The following KCNT2 variants were observed in gnomAD, a reference collection of about 807,000 sequenced individuals.
KCNT2 encodes the protein potassium channel subfamily T member 2.
Under a neutral mutation model 153.8 loss-of-function variants are expected in KCNT2, and 67 were observed. That is an observed-to-expected ratio of 0.44 (90% CI 0.36 to 0.53). KCNT2 has a LOEUF of 0.53. Among genes scored for constraint, KCNT2 ranks in the 20% least tolerant of loss-of-function variants. The pLI, the probability that KCNT2 is intolerant of heterozygous loss-of-function variation, is 0.00. For missense variants in KCNT2, 975 were observed against 1,354.8 expected (o/e 0.72, Z 4.40); for synonymous variants, 500 against 458.8 (o/e 1.09, Z -1.15).
intron 1 of KCNT2, among the ~76,000 whole-genome samples, chr1:196,559,074 C>T (rs1156517904): frequency 6.6e-6 from 1 of 150,858 alleles, no homozygotes; most frequent in Non-Finnish European, 1.5e-5. Flanking sequence ...AAAAAAAAAT[C>T]ACTGAATATA....
chr1:196,549,584 T>C (rs1436366586), intron 1 of KCNT2, among the ~76,000 whole-genome samples: 1 of 151,786 alleles, frequency 6.6e-6, no homozygotes, highest in Non-Finnish European at 1.5e-5. Context: ...CCTAGAACAA[T>C]GTTTCTCAAC....
At position 196,229,935 on chromosome 1, in the gene KCNT2, A is replaced by C. The variant is rs554069084; in HGVS notation, c.3297-1600T>G. ...TAGCAGAGGTTAGCTCATGAAGCTT[A>C]AGGAAATGAGTCCCCTCCATAACAT... On this transcript the variant is annotated intron_variant, in intron 27 of 27. Transcript: ENST00000294725. Among the ~76,000 whole-genome samples the C allele has an allele frequency of 2.6e-5, 4 of 152,220 alleles. No individual in the cohort carries two copies. The South Asian group carries it at 8.3e-4, about 32-fold the overall frequency.
chr1:196,400,312 G>T (rs1258380091), intron 12 of KCNT2, among the ~76,000 whole-genome samples: 1 of 151,748 alleles, frequency 6.6e-6, no homozygotes, highest in African/African-American at 2.4e-5. Context: ...TAAGTAAAAG[G>T]ATGCCAAGTT....
chr1:196,367,235 A>C (rs1313784308), intron 14 of KCNT2, among the ~76,000 whole-genome samples: 5 of 152,196 alleles, frequency 3.3e-5, no homozygotes, highest in Non-Finnish European at 5.9e-5. Context: ...ACTATAAAAA[A>C]AAATCATGTA....
intron 8 of KCNT2, among the ~76,000 whole-genome samples, chr1:196,452,409 C>T (rs73067681): frequency 0.045 from 6,891 of 151,924 alleles, 523 homozygotes; most frequent in African/African-American, 0.16. Context: ...GATCATTATC[C>T]CTATTCTATA....
chr1:196,289,516 C>A (rs1659993262), intron 22 of KCNT2, among the ~76,000 whole-genome samples: 1 of 152,000 alleles, frequency 6.6e-6, no homozygotes, highest in South Asian at 2.1e-4. Context: ...ATGTTAGCGG[C>A]CTACATCAAA....
intron 1 of KCNT2, among the ~76,000 whole-genome samples, chr1:196,507,621 T>C (rs1217469369): frequency 6.6e-6 from 1 of 152,144 alleles, no homozygotes. Context: ...CCAGTTTTAA[T>C]GCATTACTGT....
chr1:196,543,327 A>G (rs1235128052), intron 1 of KCNT2, among the ~76,000 whole-genome samples: 1 of 152,144 alleles, frequency 6.6e-6, no homozygotes, highest in Non-Finnish European at 1.5e-5. Context: ...TCAGAATACT[A>G]AAGTTTAATC....
chr1:196,310,041 T>C (rs141463140), intron 21 of KCNT2, among the ~76,000 whole-genome samples: 28 of 151,898 alleles, frequency 1.8e-4, no homozygotes, highest in African/African-American at 6.3e-4. Flanking sequence ...AATATAAAGA[T>C]GAAAAACACA....
intron 1 of KCNT2, among the ~76,000 whole-genome samples, chr1:196,565,722 A>C (rs1180644928): frequency 6.6e-6 from 1 of 151,746 alleles, no homozygotes; most frequent in Non-Finnish European, 1.5e-5. Context: ...AAACACAGAA[A>C]GACAAATATT....
At chr1:196,328,333 G>GA (rs1274345554) in intron 18 of KCNT2, among the ~76,000 whole-genome samples, 8 of 150,994 alleles carry the variant, frequency 5.3e-5, no homozygotes, top group Admixed American at 1.3e-4. Context: ...AGGCAGAGAA[G>GA]AAAAAAAACA....
intron 5 of KCNT2, 92 bp downstream of exon 5, chr1:196,479,087 T>G (rs1184056960): frequency 1.2e-6 from 1 of 821,164 alleles, no homozygotes; most frequent in Non-Finnish European, 2.0e-6. Context: ...GAGTCAGCCT[T>G]ACCTTCCAGT....
intron 1 of KCNT2, among the ~76,000 whole-genome samples, chr1:196,570,774 A>C (rs1252130481): frequency 2.6e-5 from 4 of 152,096 alleles, no homozygotes; most frequent in Admixed American, 2.6e-4. Context: ...CTTACTTGCT[A>C]CTGGATCTTG....
At chr1:196,383,882 A>T (rs1422079688) in intron 13 of KCNT2, among the ~76,000 whole-genome samples, 1 of 152,184 alleles carries the variant, frequency 6.6e-6, no homozygotes, top group Non-Finnish European at 1.5e-5. Flanking sequence ...GCCTGTAAGT[A>T]TGTTAAGTCT....
chr1:196,407,573 A>T lies in KCNT2; in HGVS notation c.1186-8902T>A, dbSNP rs552253955. ...TTCATTAGGGAATGACATAGTACAG[A>T]TTATTATGTGCTTGTTTCAGTGCCT... On this transcript the variant is annotated intron_variant, in intron 12 of 27. Transcript: ENST00000294725. 5.3e-5 allele frequency among the ~76,000 whole-genome samples: 8 copies of T among 151,634 alleles called. No homozygotes were observed. The Admixed American group carries it at 5.3e-4, about 10-fold the overall frequency.
At chr1:196,316,251 T>C (rs777332677) in intron 20 of KCNT2, among the ~76,000 whole-genome samples, 1 of 151,726 alleles carries the variant, frequency 6.6e-6, no homozygotes, top group Non-Finnish European at 1.5e-5. Context: ...ATCTCAACTG[T>C]TTCAAAATAT....
intron 22 of KCNT2, among the ~76,000 whole-genome samples, chr1:196,292,702 G>C (rs1165676801): frequency 1.3e-5 from 2 of 151,888 alleles, no homozygotes. Flanking sequence ...AGCTACTCGG[G>C]AGGCTGAGGC....
At chr1:196,571,507 G>A (rs908611649) in intron 1 of KCNT2, among the ~76,000 whole-genome samples, 8 of 152,148 alleles carry the variant, frequency 5.3e-5, no homozygotes, top group African/African-American at 1.9e-4. Flanking sequence ...CTGAAGTTAA[G>A]TTAGTTTGTC....
intron 1 of KCNT2, among the ~76,000 whole-genome samples, chr1:196,509,947 T>C (rs1681476460): frequency 6.6e-6 from 1 of 152,092 alleles, no homozygotes; most frequent in African/African-American, 2.4e-5. Flanking sequence ...AATAAGTAAA[T>C]TAATCAAATG....
Sources: gnomAD v4.1 joint callset for allele counts (sites outside exome capture counted in the v4.1 genomes callset) on GRCh38, gnomAD v4.1.1 for gene constraint, MANE v1.5 for transcripts, NCBI Gene and HGNC (gene_info 2026-07-23, HGNC 2026-07-21) for gene names.